ADAMTS19: variants seen among roughly 807,000 people sequenced by gnomAD.
ADAMTS19 encodes ADAM metallopeptidase with thrombospondin type 1 motif 19.
Under a neutral mutation model 153.3 loss-of-function variants are expected in ADAMTS19, and 93 were observed. The ratio of observed to expected loss-of-function variants is 0.61; its 90% CI spans 0.51 to 0.72. The LOEUF is 0.72. ADAMTS19 is among the 30% of genes least tolerant of loss of function. ADAMTS19 has a pLI of 0.00. For synonymous variants in ADAMTS19, 600 were observed against 556.6 expected (o/e 1.08, Z -1.10); for missense variants, 1,482 against 1,552.1 (o/e 0.95, Z 0.76).
chr5:129,719,805 C>T (rs552928571), intron 21 of ADAMTS19, among the ~76,000 whole-genome samples: 2 of 152,234 alleles, frequency 1.3e-5, no homozygotes, highest in East Asian at 3.9e-4. Context: ...CTTTGGGAGG[C>T]CGAGGTGGGC....
At chr5:129,588,834 T>C (rs1308394833) in intron 7 of ADAMTS19, among the ~76,000 whole-genome samples, 1 of 151,654 alleles carries the variant, frequency 6.6e-6, no homozygotes, top group Non-Finnish European at 1.5e-5. Context: ...ATTCAAGAGG[T>C]TTTTAAAGCA....
At chr5:129,696,077 G>A (rs149579303) in intron 19 of ADAMTS19, among the ~76,000 whole-genome samples, 2,219 of 152,218 alleles carry the variant, frequency 0.015, 26 homozygotes, top group Middle Eastern at 0.058. Flanking sequence ...GGGAATTAGT[G>A]TCATGCAGAC....
intron 21 of ADAMTS19, among the ~76,000 whole-genome samples, chr5:129,726,544 G>A (rs922578000): frequency 2.0e-5 from 3 of 152,142 alleles, no homozygotes; most frequent in Non-Finnish European, 2.9e-5. Flanking sequence ...AGAAGGGAAG[G>A]AAGGGGAGAG....
rs986014378 is a variant in ADAMTS19, at chr5:129,671,197, C to T, written c.2506+5618C>T. Reference sequence around the variant, plus strand: ...GAGGGAAAGAGACCGGCTGCATAAACCTAACTAGAGAATAGAAATAGGAAA... The same window carrying T: ...GAGGGAAAGAGACCGGCTGCATAAATCTAACTAGAGAATAGAAATAGGAAA... On this transcript the variant is annotated intron_variant, in intron 16 of 22. Coordinates refer to ENST00000274487, the MANE Select transcript of ADAMTS19 (RefSeq NM_133638.6). Among the ~76,000 whole-genome samples, 8 of 152,104 alleles carry T rather than the reference C, an allele frequency of 5.3e-5. No homozygotes were observed. In the South Asian group the frequency reaches 1.0e-3, roughly 20 times the overall value.
At chr5:129,526,189 G>A in intron 3 of ADAMTS19, 95 bp from the exon 4 acceptor site, 1 of 1,048,342 alleles carries the variant, frequency 9.5e-7, no homozygotes, top group Non-Finnish European at 1.3e-6. Flanking sequence ...ATGTGTGTCG[G>A]GAACTTATTT....
intron 2 of ADAMTS19, among the ~76,000 whole-genome samples, chr5:129,468,543 G>A (rs1749955559): frequency 1.3e-5 from 2 of 151,722 alleles, no homozygotes; most frequent in South Asian, 2.1e-4. Flanking sequence ...TAGTAGAGAC[G>A]GGGTTTCACC....
intron 8 of ADAMTS19, among the ~76,000 whole-genome samples, chr5:129,606,169 C>T (rs1469365954): frequency 6.6e-6 from 1 of 152,080 alleles, no homozygotes; most frequent in Admixed American, 6.6e-5. Flanking sequence ...TAAGAATTGC[C>T]AGAGTACCAA....
At chr5:129,581,967 A>G (rs532075424) in intron 7 of ADAMTS19, among the ~76,000 whole-genome samples, 1 of 151,992 alleles carries the variant, frequency 6.6e-6, no homozygotes, top group East Asian at 1.9e-4. Context: ...GGTCTGAGAG[A>G]CTGTTTTGAT....
intron 8 of ADAMTS19, among the ~76,000 whole-genome samples, chr5:129,603,932 A>G (rs1434846486): frequency 1.3e-5 from 2 of 151,956 alleles, no homozygotes; most frequent in African/African-American, 4.8e-5. Flanking sequence ...TACTCAACCT[A>G]CTTCTGGGCT....
intron 2 of ADAMTS19, among the ~76,000 whole-genome samples, chr5:129,481,351 C>A (rs1199776209): frequency 6.6e-6 from 1 of 152,110 alleles, no homozygotes; most frequent in African/African-American, 2.4e-5. Flanking sequence ...TGGGGGAAAC[C>A]ACCCCCCATG....
rs1561621586 is a variant in ADAMTS19, at chr5:129,641,968, A to G, written c.1872+8A>G. 6.4e-7 allele frequency: 1 copy of G among 1,560,868 alleles called. No individual in the cohort carries two copies. ...GACTGTGACCTTGGTAAGGTAAGTC[A>G]TTTGTGTTGTCTGAATTTAATGAGC... is the stretch of plus-strand genomic sequence containing the variant. On this transcript the variant is annotated splice_region_variant and intron_variant, in intron 11 of 22. Transcript: ENST00000274487.
At chr5:129,502,243 A>G (rs894614350) in intron 2 of ADAMTS19, among the ~76,000 whole-genome samples, 2 of 152,132 alleles carry the variant, frequency 1.3e-5, no homozygotes, top group Admixed American at 6.6e-5. Flanking sequence ...AGGGGAATAA[A>G]AAAGGAAATT....
At chr5:129,488,448 G>T (rs772225363) in intron 2 of ADAMTS19, among the ~76,000 whole-genome samples, 7 of 151,974 alleles carry the variant, frequency 4.6e-5, no homozygotes, top group Non-Finnish European at 7.4e-5. Context: ...AAGTAATTTG[G>T]TTTTTTCAAA....
chr5:129,496,889 G>T (rs885385), intron 2 of ADAMTS19, among the ~76,000 whole-genome samples: 3,686 of 152,178 alleles, frequency 0.024, 146 homozygotes, highest in African/African-American at 0.084. Context: ...TTAGTTAATA[G>T]ATTTAAATTC....
chr5:129,522,196 T>A (rs73787544), intron 3 of ADAMTS19, among the ~76,000 whole-genome samples: 2,059 of 148,384 alleles, frequency 0.014, 34 homozygotes, highest in African/African-American at 0.045. Flanking sequence ...AAAAAAAATA[T>A]ATATATATAT....
chr5:129,499,415 A>G (rs929457772), intron 2 of ADAMTS19, among the ~76,000 whole-genome samples: 3 of 152,092 alleles, frequency 2.0e-5, no homozygotes, highest in African/African-American at 7.2e-5. Context: ...CTTCTTCACC[A>G]CAGAGGCCAA....
chr5:129,677,204 A>G (rs1185870855), intron 16 of ADAMTS19, among the ~76,000 whole-genome samples: 1 of 152,228 alleles, frequency 6.6e-6, no homozygotes, highest in Non-Finnish European at 1.5e-5. Context: ...GGCCCAGCAC[A>G]GTGGCTTACG....
At chr5:129,499,831 C>G (rs1751041526) in intron 2 of ADAMTS19, among the ~76,000 whole-genome samples, 1 of 152,124 alleles carries the variant, frequency 6.6e-6, no homozygotes, top group African/African-American at 2.4e-5. Context: ...ATTTCACATT[C>G]CCACTTCCCA....
chr5:129,649,570 G>C (rs1363354749), intron 13 of ADAMTS19, among the ~76,000 whole-genome samples: 1 of 152,140 alleles, frequency 6.6e-6, no homozygotes, highest in African/African-American at 2.4e-5. Context: ...GATGGTGGTG[G>C]GGAGAGGGAT....
Sources: allele counts gnomAD v4.1 joint callset (sites outside exome capture counted in the v4.1 genomes callset), GRCh38; gene constraint gnomAD v4.1.1; transcripts MANE v1.5; gene names NCBI Gene and HGNC (gene_info 2026-07-23, HGNC 2026-07-21).